PDE7B: variants seen among roughly 807,000 people sequenced by gnomAD.
PDE7B encodes the protein 3',5'-cyclic-AMP phosphodiesterase 7B.
In PDE7B, 29 loss-of-function variants were observed where a neutral mutation model predicts 56.2. The ratio of observed to expected loss-of-function variants is 0.52; its 90% CI spans 0.38 to 0.70. The LOEUF (loss-of-function observed/expected upper bound fraction) is 0.70. PDE7B is among the 30% of genes least tolerant of loss of function. The pLI is 0.00. For missense variants in PDE7B, 490 were observed against 565.0 expected, an observed-to-expected ratio of 0.87 and a Z score of 1.35; for synonymous variants, 197 against 196.9, an observed-to-expected ratio of 1.00 and a Z score of 0.00.
intron 2 of PDE7B, among the ~76,000 whole-genome samples, chr6:136,022,099 G>A (rs759672482): frequency 8.5e-5 from 13 of 152,124 alleles, no homozygotes; most frequent in African/African-American, 1.9e-4. Context: ...GTCCTCTTCC[G>A]CCAAATCTCT....
intron 8 of PDE7B, among the ~76,000 whole-genome samples, chr6:136,166,790 T>A (rs1275010816): frequency 6.6e-6 from 1 of 152,190 alleles, no homozygotes; most frequent in East Asian, 1.9e-4. Context: ...TTTCTCCCCT[T>A]ACCCCTACCA....
chr6:136,011,144 C>T (rs1307446148), intron 2 of PDE7B, among the ~76,000 whole-genome samples: 1 of 152,096 alleles, frequency 6.6e-6, no homozygotes, highest in African/African-American at 2.4e-5. Context: ...TTCTAACTCC[C>T]CCTTTCTCCC....
At chr6:136,190,378 T>C (rs752719129) in intron 12 of PDE7B, among the ~76,000 whole-genome samples, 5 of 152,284 alleles carry the variant, frequency 3.3e-5, no homozygotes, top group African/African-American at 1.2e-4. Context: ...ACAATAACAG[T>C]GTGTATTGCT....
At chr6:136,002,164 A>G (rs972335503) in intron 2 of PDE7B, among the ~76,000 whole-genome samples, 2 of 152,204 alleles carry the variant, frequency 1.3e-5, no homozygotes, top group African/African-American at 4.8e-5. Flanking sequence ...AGATTTTGTC[A>G]CCACCAGGCC....
At chr6:136,134,225 C>A (rs1778170044) in intron 3 of PDE7B, among the ~76,000 whole-genome samples, 1 of 152,076 alleles carries the variant, frequency 6.6e-6, no homozygotes, top group African/African-American at 2.4e-5. Flanking sequence ...AGGAGAGAAG[C>A]AGTTGTAGTA....
intron 2 of PDE7B, among the ~76,000 whole-genome samples, chr6:136,099,957 A>G (rs1444346067): frequency 3.9e-5 from 6 of 152,028 alleles, no homozygotes; most frequent in African/African-American, 7.2e-5. Context: ...TGTATAAGGT[A>G]TAAGGAAGGG....
intron 2 of PDE7B, among the ~76,000 whole-genome samples, chr6:135,995,808 A>G (rs993631582): frequency 6.6e-6 from 1 of 152,238 alleles, no homozygotes; most frequent in Non-Finnish European, 1.5e-5. Flanking sequence ...TTATTTGTAA[A>G]TGGAATAATT....
chr6:136,159,770 C>G (rs969863591), intron 8 of PDE7B, among the ~76,000 whole-genome samples: 4 of 152,174 alleles, frequency 2.6e-5, no homozygotes, highest in Admixed American at 1.3e-4. Context: ...AACTCTGGTT[C>G]CTGGTACCCC....
chr6:135,885,651 C>T (rs140208291), intron 1 of PDE7B, among the ~76,000 whole-genome samples: 1 of 151,942 alleles, frequency 6.6e-6, no homozygotes, highest in African/African-American at 2.4e-5. Flanking sequence ...AAGAGGAAAA[C>T]AAACAAACAA....
intron 2 of PDE7B, among the ~76,000 whole-genome samples, chr6:136,084,367 C>T (rs775041435): frequency 6.6e-6 from 1 of 152,042 alleles, no homozygotes; most frequent in African/African-American, 2.4e-5. Context: ...GAAATATCTG[C>T]AGAACTGTGC....
chr6:135,936,103 G>T (rs995540916), intron 1 of PDE7B, among the ~76,000 whole-genome samples: 1 of 152,140 alleles, frequency 6.6e-6, no homozygotes. Context: ...TAATTCCAAG[G>T]ACTGGTTTGA....
intron 9 of PDE7B, among the ~76,000 whole-genome samples, chr6:136,177,405 G>C (rs188159159): frequency 6.6e-6 from 1 of 152,034 alleles, no homozygotes; most frequent in East Asian, 1.9e-4. Flanking sequence ...TTTGCAACAC[G>C]TAGCTGACAA....
intron 8 of PDE7B, among the ~76,000 whole-genome samples, chr6:136,156,796 C>G (rs1286094537): frequency 6.6e-6 from 1 of 152,072 alleles, no homozygotes; most frequent in African/African-American, 2.4e-5. Flanking sequence ...TTTAAAAGGA[C>G]TTGAAAATAA....
rs151063467 is a variant in PDE7B at position 135,942,646 on chromosome 6, C to G, written c.22-4818C>G. ...ACCAATATTTCTTCAATTTCACCCT[C>G]TAACCTCACAACATCCCAAGCTCCT... On this transcript the variant is annotated intron_variant, in intron 1 of 12. Transcript: ENST00000308191. 2.6e-5 allele frequency among the ~76,000 whole-genome samples: 4 copies of G among 152,256 alleles called. No homozygotes were observed. The East Asian group carries it at 5.8e-4, about 22-fold the overall frequency.
chr6:135,983,607 A>G (rs1775331084), intron 2 of PDE7B, among the ~76,000 whole-genome samples: 1 of 152,210 alleles, frequency 6.6e-6, no homozygotes, highest in South Asian at 2.1e-4. Flanking sequence ...TTATAGCACT[A>G]AAGTTTCCTA....
rs747760294 is a variant in PDE7B, at chr6:136,147,475, G to T, written c.291G>T (p.Leu97=). 1.2e-6 allele frequency: 2 copies of T among 1,613,936 alleles called. No homozygotes were observed. Among genetic ancestry groups the T allele is most frequent in the Admixed American group, 1.7e-5 (1 of 60,006 alleles). Reference sequence around the variant, plus strand: ...TACCACAAGCCCCTCTGCACCTGCTGGATGAAGACTACCTTGGACAAGCAA... The same window carrying T: ...TACCACAAGCCCCTCTGCACCTGCTTGATGAAGACTACCTTGGACAAGCAA... The part of the protein sequence containing the change: ...GIIPQAPLHL[L]DEDYLGQARH... The change falls in exon 4 of 13, where the codon CTG becomes CTT. Residue 97 remains leucine (L), a synonymous_variant. Transcript: ENST00000308191.
chr6:135,987,215 T>G (rs1390189494), intron 2 of PDE7B, among the ~76,000 whole-genome samples: 1 of 152,168 alleles, frequency 6.6e-6, no homozygotes, highest in Non-Finnish European at 1.5e-5. Flanking sequence ...TTTGGCACTT[T>G]TTAAATGATT....
intron 8 of PDE7B, among the ~76,000 whole-genome samples, chr6:136,160,652 T>C (rs1229231961): frequency 6.6e-6 from 1 of 152,144 alleles, no homozygotes; most frequent in Non-Finnish European, 1.5e-5. Flanking sequence ...CCACATCGAT[T>C]CCTGCTTAAA....
chr6:136,037,503 A>C (rs1776342744), intron 2 of PDE7B: 1 of 985,358 alleles, frequency 1.0e-6, no homozygotes, highest in Non-Finnish European at 1.2e-6. Flanking sequence ...GGATCAACCA[A>C]GCCCATCCCA....
Sources: gnomAD v4.1 joint callset for allele counts (sites outside exome capture counted in the v4.1 genomes callset) on GRCh38, gnomAD v4.1.1 for gene constraint, MANE v1.5 for transcripts, NCBI Gene and HGNC (gene_info 2026-07-23, HGNC 2026-07-21) for gene names.